PIAS2: variants seen among roughly 807,000 people sequenced by gnomAD.
The protein encoded by PIAS2 is E3 SUMO-protein ligase PIAS2.
PIAS2 carries 19 observed loss-of-function variants against 69.7 expected under a neutral mutation model. That is an observed-to-expected ratio of 0.27 (90% confidence interval 0.19 to 0.40). The LOEUF (loss-of-function observed/expected upper bound fraction) is 0.40. Ranked by LOEUF, PIAS2 falls within the 10% of genes least tolerant of loss-of-function variation. The pLI is 1.00. For missense variants in PIAS2, 624 were observed against 757.0 expected (o/e 0.82, Z 2.06); for synonymous variants, 261 against 263.2 (o/e 0.99, Z 0.08).
chr18:46,822,929 A>G (rs932040456), intron 11 of PIAS2, among the ~76,000 whole-genome samples: 1 of 152,142 alleles, frequency 6.6e-6, no homozygotes, highest in East Asian at 1.9e-4. Context: ...TTTAATTTAA[A>G]AAGTTTCTAC....
intron 1 of PIAS2, chr18:46,891,304 T>C: frequency 1.7e-6 from 1 of 586,130 alleles, no homozygotes; most frequent in African/African-American, 1.9e-5. Flanking sequence ...GTCTATTGGT[T>C]TCTACTAACC....
intron 9 of PIAS2, among the ~76,000 whole-genome samples, chr18:46,830,106 T>A (rs1365213120): frequency 6.6e-6 from 1 of 152,174 alleles, no homozygotes; most frequent in African/African-American, 2.4e-5. Context: ...TGTAACTCAA[T>A]GAGTATAAAT....
At chr18:46,818,429 T>A (rs1390180717) in intron 12 of PIAS2, 6 of 1,578,798 alleles carry the variant, frequency 3.8e-6, no homozygotes, top group South Asian at 1.2e-5. Context: ...ATTATTAATA[T>A]CATTTCTTCT....
intron 1 of PIAS2, chr18:46,891,547 C>A: frequency 3.7e-6 from 1 of 273,726 alleles, no homozygotes; most frequent in Non-Finnish European, 5.6e-6. Flanking sequence ...GAACTGTGAT[C>A]CAAAATGCAA....
At chr18:46,881,374 G>T (rs2052224207) in intron 2 of PIAS2, among the ~76,000 whole-genome samples, 1 of 152,112 alleles carries the variant, frequency 6.6e-6, no homozygotes, top group Admixed American at 6.5e-5. Flanking sequence ...GAAAAACTTT[G>T]GTGTATGTAA....
chr18:46,816,711 T>TC, intron 12 of PIAS2: 1 of 740,354 alleles, frequency 1.4e-6, no homozygotes, highest in Middle Eastern at 6.9e-4. Flanking sequence ...CAAGTGATCC[T>TC]CCCGCCTCAG....
intron 6 of PIAS2, 80 bp from the exon 7 acceptor site, chr18:46,844,919 ACT>A: frequency 3.7e-6 from 2 of 545,410 alleles, no homozygotes; most frequent in South Asian, 8.1e-5. Context: ...TATTTAAGAA[ACT>A]CTGGTTTCTA....
intron 1 of PIAS2, among the ~76,000 whole-genome samples, chr18:46,904,384 G>A: frequency 6.6e-6 from 1 of 152,102 alleles, no homozygotes; most frequent in East Asian, 1.9e-4. Context: ...AGATAAAACT[G>A]AAATAAAAGG....
At chr18:46,889,287 A>C (rs1386310329) in intron 2 of PIAS2, among the ~76,000 whole-genome samples, 1 of 152,240 alleles carries the variant, frequency 6.6e-6, no homozygotes, top group East Asian at 1.9e-4. Flanking sequence ...CTATCAACAG[A>C]GTAAAAAAGG....
Position 46,915,552 on chromosome 18 carries a change from A to C in PIAS2, c.24+1770T>G, listed in dbSNP as rs1033848622. On this transcript the variant is annotated intron_variant, in intron 1 of 13. Transcript: ENST00000585916. ...AAAATGCAAGAAGTAAAGACAGCTG[A>C]TTTACAGGAAAAGAGGATGAAGCTG... 3 of 152,144 alleles carry C rather than the reference A, an allele frequency of 2.0e-5. No homozygotes were observed. In the East Asian group the frequency reaches 5.8e-4, roughly 29 times the overall value. The allele number at this position is 152,144 out of a possible 1,614,324, so 9.4% of individuals were successfully genotyped here.
chr18:46,805,897 T>C lies in PIAS2; in HGVS notation c.*6536A>G, dbSNP rs2040663341. On this transcript the variant is annotated 3_prime_UTR_variant, in exon 14 of 14. Coordinates refer to ENST00000585916, the MANE Select transcript of PIAS2 (RefSeq NM_004671.5). ...GCTTAACATTCATCACTGTCTCCCA[T>C]ACATGATTCGTCTTCACTCTAAACT... 1 of 152,198 alleles carries C rather than the reference T, an allele frequency of 6.6e-6. No individual in the cohort carries two copies. Among genetic ancestry groups the C allele is most frequent in the South Asian group, 2.1e-4 (1 of 4,836 alleles). The allele number at this position is 152,198 out of a possible 1,614,324, so 9.4% of individuals were successfully genotyped here.
At chr18:46,862,190 G>A (rs1160902276) in intron 3 of PIAS2, among the ~76,000 whole-genome samples, 1 of 152,110 alleles carries the variant, frequency 6.6e-6, no homozygotes, top group African/African-American at 2.4e-5. Flanking sequence ...AATTAGCCAG[G>A]TATGGCGGCA....
intron 3 of PIAS2, among the ~76,000 whole-genome samples, chr18:46,857,280 T>C (rs958853381): frequency 6.6e-6 from 1 of 152,138 alleles, no homozygotes; most frequent in African/African-American, 2.4e-5. Flanking sequence ...CAAAGACAAA[T>C]ACAACACAGT....
intron 11 of PIAS2, among the ~76,000 whole-genome samples, chr18:46,821,779 A>C (rs2042209093): frequency 6.6e-6 from 1 of 152,206 alleles, no homozygotes; most frequent in Admixed American, 6.6e-5. Flanking sequence ...ATACAAATTA[A>C]ACATATGTAA....
chr18:46,864,787 C>T (rs1052183427), intron 2 of PIAS2, among the ~76,000 whole-genome samples: 3 of 148,342 alleles, frequency 2.0e-5, no homozygotes, highest in Admixed American at 6.7e-5. Flanking sequence ...AAAAAAAATA[C>T]TAATGCACAG....
intron 1 of PIAS2, among the ~76,000 whole-genome samples, chr18:46,901,476 T>G (rs1190300903): frequency 6.6e-6 from 1 of 152,152 alleles, no homozygotes; most frequent in Non-Finnish European, 1.5e-5. Flanking sequence ...AACAAAATAT[T>G]AGTCAATAAA....
intron 12 of PIAS2, chr18:46,815,701 A>C: frequency 9.9e-7 from 1 of 1,009,018 alleles, no homozygotes; most frequent in Non-Finnish European, 1.2e-6. Context: ...ATCTAAAAAA[A>C]AAAACATACT....
At position 46,805,403 on chromosome 18, in the gene PIAS2, AG is replaced by A. The variant is rs2040640274; in HGVS notation, c.*7029del. On this transcript the variant is annotated 3_prime_UTR_variant, in exon 14 of 14. Transcript: ENST00000585916. ...ATAATGACCAGAATCAAGGAAGGCAAGGAACACTGTGAGTCAAAGCTTCCAG... is the reference window on the plus strand; with the variant it reads ...ATAATGACCAGAATCAAGGAAGGCAAGAACACTGTGAGTCAAAGCTTCCAG... The A allele has an allele frequency of 6.6e-6, 1 of 152,274 alleles. No homozygotes were observed. The highest frequency in any genetic ancestry group is 1.5e-5 in the Non-Finnish European group (1 of 68,066). 9.4% of individuals were successfully genotyped at this position (152,274 alleles called of 1,614,324 possible).
At chr18:46,862,269 T>C (rs2048777192) in intron 3 of PIAS2, among the ~76,000 whole-genome samples, 1 of 152,104 alleles carries the variant, frequency 6.6e-6, no homozygotes, top group African/African-American at 2.4e-5. Flanking sequence ...AGGTGGAGGT[T>C]GCAGTGAGCC....
Sources: gnomAD v4.1 joint callset for allele counts (sites outside exome capture counted in the v4.1 genomes callset) on GRCh38, gnomAD v4.1.1 for gene constraint, MANE v1.5 for transcripts, NCBI Gene and HGNC (gene_info 2026-07-23, HGNC 2026-07-21) for gene names.